The following MTCL1 variants were observed in gnomAD, a reference collection of about 807,000 sequenced individuals.
MTCL1 encodes microtubule crosslinking factor 1, also known as microtubule cross-linking factor 1.
MTCL1 carries 79 observed loss-of-function variants against 141.4 expected under a neutral mutation model. The ratio of observed to expected loss-of-function variants is 0.56; its 90% CI spans 0.47 to 0.67. MTCL1 has a LOEUF of 0.67. Ranked by LOEUF, MTCL1 falls within the 30% of genes least tolerant of loss-of-function variation. The pLI, the probability that MTCL1 is intolerant of heterozygous loss-of-function variation, is 0.00. For synonymous variants in MTCL1, 914 were observed against 875.8 expected, an observed-to-expected ratio of 1.04 and a Z score of -0.77; for missense variants, 2,177 against 2,113.9, an observed-to-expected ratio of 1.03 and a Z score of -0.59.
chr18:8,710,689 A>G (rs911217704), intron 1 of MTCL1, among the ~76,000 whole-genome samples: 1 of 151,290 alleles, frequency 6.6e-6, no homozygotes, highest in African/African-American at 2.4e-5. Flanking sequence ...TAAAAATTAC[A>G]TTTTCCCTCT....
chr18:8,778,083 G>A, intron 5 of MTCL1, 191 bp downstream of exon 4: 1 of 492,456 alleles, frequency 2.0e-6, no homozygotes, highest in Non-Finnish European at 3.6e-6. Flanking sequence ...CCTCCCTCTT[G>A]TTTCTCCCTC....
At chr18:8,823,018 C>T (rs372183116) in intron 14 of MTCL1, among the ~76,000 whole-genome samples, 12 of 150,388 alleles carry the variant, frequency 8.0e-5, no homozygotes, top group African/African-American at 1.7e-4. Flanking sequence ...AGTAAGACTC[C>T]GTCTCAAAAA....
chr18:8,721,902 G>C lies in MTCL1; in HGVS notation c.357+1406G>C, dbSNP rs1016483232. On this transcript the variant is annotated intron_variant, in intron 4 of 16. Transcript: ENST00000359865. The stretch of plus-strand genomic sequence containing the variant: ...CTGGAACAGTGCCTGGCACATGCTG[G>C]GTGGAGGAGTGAATGAAGGGGGCGG... Among the ~76,000 whole-genome samples the C allele has an allele frequency of 4.6e-5, 7 of 152,162 alleles. No homozygotes were observed. The East Asian group carries it at 1.4e-3, about 29-fold the overall frequency.
At chr18:8,743,759 A>G (rs1323015673) in intron 4 of MTCL1, among the ~76,000 whole-genome samples, 1 of 152,216 alleles carries the variant, frequency 6.6e-6, no homozygotes, top group Non-Finnish European at 1.5e-5. Context: ...CACCTACATA[A>G]TGCAGGATAA....
At chr18:8,725,332 T>A (rs753082155) in intron 4 of MTCL1, among the ~76,000 whole-genome samples, 2 of 152,178 alleles carry the variant, frequency 1.3e-5, no homozygotes, top group Non-Finnish European at 1.5e-5. Flanking sequence ...TGAGACTTCT[T>A]TTGTGCATAG....
chr18:8,711,213 A>G (rs1443895977), intron 1 of MTCL1, among the ~76,000 whole-genome samples: 1 of 149,820 alleles, frequency 6.7e-6, no homozygotes, highest in Non-Finnish European at 1.5e-5. Flanking sequence ...TACAAAGGAC[A>G]TGAACTCATC....
intron 1 of MTCL1, chr18:8,707,475 C>CT (rs1178342210): frequency 1.3e-5 from 2 of 152,756 alleles, no homozygotes; most frequent in Non-Finnish European, 2.9e-5. Flanking sequence ...TCTTAGTCGC[C>CT]TTAGCACTGG....
intron 5 of MTCL1, among the ~76,000 whole-genome samples, chr18:8,780,903 C>G (rs538274366): frequency 1.3e-5 from 2 of 152,090 alleles, no homozygotes; most frequent in Admixed American, 1.3e-4. Flanking sequence ...TGTGGTGGCT[C>G]ATACCTGTAA....
At chr18:8,729,071 G>C (rs2096235736) in intron 4 of MTCL1, among the ~76,000 whole-genome samples, 1 of 148,660 alleles carries the variant, frequency 6.7e-6, no homozygotes, top group Non-Finnish European at 1.5e-5. Context: ...TTTGAGACAA[G>C]GTCTTGCTGT....
chr18:8,795,587 CTT>C (rs1024168313), intron 8 of MTCL1, among the ~76,000 whole-genome samples: 2 of 152,208 alleles, frequency 1.3e-5, no homozygotes, highest in African/African-American at 4.8e-5. Flanking sequence ...TTCAGTGACA[CTT>C]TTCTTTTCCT....
At chr18:8,777,696 CA>C in intron 4 of MTCL1, 136 bp from the exon 4 acceptor site, 1 of 708,040 alleles carries the variant, frequency 1.4e-6, no homozygotes, top group South Asian at 2.1e-5. Context: ...AACAAATTTA[CA>C]CAAGTTGTTT....
intron 4 of MTCL1, among the ~76,000 whole-genome samples, chr18:8,768,799 T>TTTC (rs2096471612): frequency 6.8e-6 from 1 of 147,302 alleles, no homozygotes; most frequent in East Asian, 2.0e-4. Flanking sequence ...CTTTTTTTTT[T>TTTC]TTTTTTTTTT....
At chr18:8,750,595 G>A (rs2096365794) in intron 4 of MTCL1, among the ~76,000 whole-genome samples, 1 of 152,198 alleles carries the variant, frequency 6.6e-6, no homozygotes, top group Non-Finnish European at 1.5e-5. Flanking sequence ...CAGGGAGGAG[G>A]TGTTGAATGC....
At chr18:8,751,894 C>T (rs1179667201) in intron 4 of MTCL1, among the ~76,000 whole-genome samples, 2 of 152,178 alleles carry the variant, frequency 1.3e-5, no homozygotes, top group Non-Finnish European at 2.9e-5. Context: ...CTCAGGGCAG[C>T]GGTGACGCGG....
At chr18:8,711,023 A>G (rs1022760529) in intron 1 of MTCL1, among the ~76,000 whole-genome samples, 20 of 151,594 alleles carry the variant, frequency 1.3e-4, no homozygotes, top group East Asian at 3.9e-4. Flanking sequence ...ATATCTCCCA[A>G]TGCTATCCCT....
Position 8,784,015 on chromosome 18 carries a change from A to G in MTCL1, c.903A>G (p.Gln301=), listed in dbSNP as rs755330691. 13 of 1,613,526 alleles carry G rather than the reference A, an allele frequency of 8.1e-6. No individual in the cohort carries two copies. In the Admixed American group the frequency reaches 1.7e-4, roughly 21 times the overall value. The stretch of plus-strand genomic sequence containing the variant: ...CCGAGATCGAAGACCACAACCGGCA[A>G]CTGACCCACGAGCTCAGCAAGTTTA... The change falls in exon 6 of 17, where the codon CAA becomes CAG. Residue 301 remains glutamine, a synonymous_variant. Coordinates refer to ENST00000359865, the Ensembl canonical transcript of MTCL1.
intron 7 of MTCL1, 21 bp downstream of exon 6, chr18:8,786,112 C>CT (rs200311053): frequency 3.9e-5 from 53 of 1,362,926 alleles, no homozygotes; most frequent in East Asian, 1.1e-4. Context: ...GCAAGCAATC[C>CT]CCCCCCCCCG....
chr18:8,794,558 G>A (rs1025536660), intron 8 of MTCL1, among the ~76,000 whole-genome samples: 1 of 152,194 alleles, frequency 6.6e-6, no homozygotes, highest in African/African-American at 2.4e-5. Context: ...ACAGCCAGGC[G>A]GGGAAGGGTC....
chr18:8,707,622 G>A (rs34149182), intron 1 of MTCL1: 67,610 of 152,504 alleles, frequency 0.44, 15,222 homozygotes, highest in African/African-American at 0.48. Context: ...TATTTATTGT[G>A]ATCTTCAGGT....
Sources: gnomAD v4.1 joint callset for allele counts (sites outside exome capture counted in the v4.1 genomes callset) on GRCh38, gnomAD v4.1.1 for gene constraint, MANE v1.5 for transcripts, NCBI Gene and HGNC (gene_info 2026-07-23, HGNC 2026-07-21) for gene names.